DPP6: variants seen among roughly 807,000 people sequenced by gnomAD.
The protein encoded by DPP6 is A-type potassium channel modulatory protein DPP6.
In DPP6, 69 loss-of-function variants were observed where a neutral mutation model predicts 122.6. The observed-to-expected ratio is 0.56, with a 90% CI of 0.46 to 0.69. The LOEUF (loss-of-function observed/expected upper bound fraction) is 0.69. DPP6 is among the 30% of genes least tolerant of loss of function. The pLI is 0.00. For synonymous variants in DPP6, 418 were observed against 433.1 expected, an observed-to-expected ratio of 0.97 and a Z score of 0.43; for missense variants, 928 against 1,116.9, an observed-to-expected ratio of 0.83 and a Z score of 2.41.
intron 5 of DPP6, among the ~76,000 whole-genome samples, chr7:154,619,099 A>G (rs1405061365): frequency 6.6e-6 from 1 of 152,206 alleles, no homozygotes; most frequent in Admixed American, 6.5e-5. Context: ...GCCTTCAGCC[A>G]TGATGATGAG....
chr7:154,585,827 C>A (rs1204059908), intron 5 of DPP6, among the ~76,000 whole-genome samples: 1 of 152,126 alleles, frequency 6.6e-6, no homozygotes, highest in Non-Finnish European at 1.5e-5. Flanking sequence ...ACAGATCTCA[C>A]AATACTCAGG....
At chr7:154,529,736 T>C (rs1307329942) in intron 3 of DPP6, among the ~76,000 whole-genome samples, 1 of 152,204 alleles carries the variant, frequency 6.6e-6, no homozygotes, top group Non-Finnish European at 1.5e-5. Context: ...TGGGGACTTA[T>C]AAATAGAACA....
At chr7:154,886,317 C>T (rs1486731518) in intron 22 of DPP6, among the ~76,000 whole-genome samples, 1 of 152,202 alleles carries the variant, frequency 6.6e-6, no homozygotes, top group African/African-American at 2.4e-5. Flanking sequence ...TATGGCTCTC[C>T]ATGAGCACAA....
Position 154,304,497 on chromosome 7 carries a change from T to C in DPP6, c.244-141717T>C, listed in dbSNP as rs189409255. Among the ~76,000 whole-genome samples, 130 of 152,156 alleles carry C rather than the reference T, an allele frequency of 8.5e-4. 1 individual carries two copies. In the South Asian group the frequency reaches 0.011, roughly 13 times the overall value. ...CCGTCTCCTGTCCTGCTTTGTCTCTTTCTCCTTGAGCTCAGGACACAGTGG... is the reference window on the plus strand; with the variant it reads ...CCGTCTCCTGTCCTGCTTTGTCTCTCTCTCCTTGAGCTCAGGACACAGTGG... On this transcript the variant is annotated intron_variant, in intron 1 of 25. Transcript: ENST00000377770.
chr7:154,783,560 C>T (rs897745809), intron 10 of DPP6, among the ~76,000 whole-genome samples: 3 of 152,216 alleles, frequency 2.0e-5, no homozygotes, highest in African/African-American at 7.2e-5. Context: ...CTTTGTGAGG[C>T]ATGGACGCCT....
intron 1 of DPP6, among the ~76,000 whole-genome samples, chr7:153,926,825 A>AT (rs1800924604): frequency 6.6e-6 from 1 of 151,696 alleles, no homozygotes; most frequent in Non-Finnish European, 1.5e-5. Context: ...AAAAAAAAAA[A>AT]TACTACTTGT....
intron 17 of DPP6, among the ~76,000 whole-genome samples, chr7:154,861,804 G>A (rs181908186): frequency 2.4e-4 from 36 of 152,256 alleles, no homozygotes; most frequent in African/African-American, 8.2e-4. Context: ...TGTCAGAAAC[G>A]TGTGCGCTCC....
rs1327629040 is a variant in DPP6 at position 154,098,049 on chromosome 7, T to A, written c.243+44986T>A. 1.4e-3 allele frequency among the ~76,000 whole-genome samples: 206 copies of A among 152,306 alleles called. 1 individual carries two copies. The highest frequency in any genetic ancestry group is 1.7e-3 in the East Asian group (9 of 5,188). ...CCTCTTGAAGGGAGAGGTATTGATA[T>A]GGTTCTGCTGTGTCCCCACCCAAAT... is the stretch of plus-strand genomic sequence containing the variant. On this transcript the variant is annotated intron_variant, in intron 1 of 25. Coordinates refer to ENST00000377770, the MANE Select transcript of DPP6 (RefSeq NM_130797.4).
chr7:154,407,924 A>G (rs1816258225), intron 1 of DPP6, among the ~76,000 whole-genome samples: 1 of 152,240 alleles, frequency 6.6e-6, no homozygotes, highest in African/African-American at 2.4e-5. Context: ...AGCTTTATCT[A>G]AGCAACCTTG....
At chr7:154,170,459 C>T (rs567936502) in intron 1 of DPP6, among the ~76,000 whole-genome samples, 23 of 152,292 alleles carry the variant, frequency 1.5e-4, no homozygotes, top group Non-Finnish European at 2.8e-4. Flanking sequence ...TTTTGTTCTC[C>T]GTCCTGAAGA....
chr7:154,700,699 C>T (rs1840469153), intron 7 of DPP6, among the ~76,000 whole-genome samples: 1 of 152,058 alleles, frequency 6.6e-6, no homozygotes, highest in Admixed American at 6.6e-5. Flanking sequence ...TCTACTTCCC[C>T]AGGATAGGGC....
rs765281997 is a variant in DPP6 at position 154,588,128 on chromosome 7, C to G, written c.627+21212C>G. ...CCAGCACAGGCTTGTTCCTTCAACA[C>G]TGGTGGAGAGAGACACGCTGTCATC... is the stretch of plus-strand genomic sequence containing the variant. On this transcript the variant is annotated intron_variant, in intron 5 of 25. Coordinates refer to ENST00000377770, the MANE Select transcript of DPP6 (RefSeq NM_130797.4). 3 of 1,569,536 alleles carry G rather than the reference C, an allele frequency of 1.9e-6. No homozygotes were observed. In the South Asian group the frequency reaches 3.6e-5, roughly 19 times the overall value.
At chr7:154,572,206 T>G (rs1212636116) in intron 5 of DPP6, among the ~76,000 whole-genome samples, 1 of 152,168 alleles carries the variant, frequency 6.6e-6, no homozygotes, top group Non-Finnish European at 1.5e-5. Flanking sequence ...CATTTTGCTC[T>G]CTAAGGGACT....
chr7:154,713,168 T>G (rs1292464952), intron 7 of DPP6, among the ~76,000 whole-genome samples: 2 of 152,266 alleles, frequency 1.3e-5, no homozygotes, highest in African/African-American at 4.8e-5. Context: ...TAGGTCATGC[T>G]GATGCAACAA....
intron 2 of DPP6, among the ~76,000 whole-genome samples, chr7:154,466,768 A>G (rs888097793): frequency 1.3e-5 from 2 of 152,178 alleles, no homozygotes; most frequent in African/African-American, 4.8e-5. Flanking sequence ...CTTACCTAAC[A>G]CAGTCTGTTC....
At chr7:154,347,801 T>C (rs571706741) in intron 1 of DPP6, among the ~76,000 whole-genome samples, 1 of 152,314 alleles carries the variant, frequency 6.6e-6, no homozygotes, top group African/African-American at 2.4e-5. Flanking sequence ...ACAAAGTAGT[T>C]TTCTTTTTTC....
chr7:154,227,396 T>G (rs11768016), intron 1 of DPP6, among the ~76,000 whole-genome samples: 1 of 150,710 alleles, frequency 6.6e-6, no homozygotes, highest in Non-Finnish European at 1.5e-5. Flanking sequence ...TGCCAGGGGG[T>G]TGGGAGAAGG....
chr7:154,757,971 C>CA (rs1192081747), intron 8 of DPP6, among the ~76,000 whole-genome samples: 1 of 152,120 alleles, frequency 6.6e-6, no homozygotes, highest in African/African-American at 2.4e-5. Flanking sequence ...GCGCTCTCCC[C>CA]CCCGCCCTCT....
At chr7:154,212,851 G>A (rs1429760467) in intron 1 of DPP6, among the ~76,000 whole-genome samples, 1 of 152,152 alleles carries the variant, frequency 6.6e-6, no homozygotes, top group East Asian at 1.9e-4. Context: ...ACACAGGTGG[G>A]GTACTAGCTC....
Sources: allele counts gnomAD v4.1 joint callset (sites outside exome capture counted in the v4.1 genomes callset), GRCh38; gene constraint gnomAD v4.1.1; transcripts MANE v1.5; gene names NCBI Gene and HGNC (gene_info 2026-07-23, HGNC 2026-07-21).